The following FAXC variants were observed in gnomAD, a reference collection of about 807,000 sequenced individuals.
The protein encoded by FAXC is failed axon connections homolog.
FAXC carries 10 observed loss-of-function variants against 41.9 expected under a neutral mutation model. The ratio of observed to expected loss-of-function variants is 0.24; its 90% confidence interval spans 0.15 to 0.41. The LOEUF (loss-of-function observed/expected upper bound fraction) is 0.41, where lower values mean the gene tolerates loss of function less well. Ranked by LOEUF, FAXC falls within the 10% of genes least tolerant of loss-of-function variation. FAXC has a pLI of 1.00. For missense variants in FAXC, 399 were observed against 510.9 expected (o/e 0.78, Z 2.11); for synonymous variants, 183 against 183.8 (o/e 1.00, Z 0.03).
At chr6:99,320,847 C>A (rs931326354) in intron 4 of FAXC, among the ~76,000 whole-genome samples, 3 of 152,116 alleles carry the variant, frequency 2.0e-5, no homozygotes, top group South Asian at 2.1e-4. Flanking sequence ...CCTCCCCAGT[C>A]CCCCCTGCTA....
chr6:99,329,384 T>TTAA lies in FAXC; in HGVS notation c.599+3964_599+3966dup, dbSNP rs138664087. Among the ~76,000 whole-genome samples, 266 of 152,260 alleles carry TTAA rather than the reference T, an allele frequency of 1.7e-3. 4 individuals are homozygous for TTAA. In the East Asian group the frequency reaches 0.046, roughly 26 times the overall value. On this transcript the variant is annotated intron_variant, in intron 3 of 5. Coordinates refer to ENST00000389677, the MANE Select transcript of FAXC (RefSeq NM_032511.4). The stretch of plus-strand genomic sequence containing the variant: ...TAATGAAGATATCATGCATTATAAC[T>TTAA]TAATACCTGGCCCGTGATAGAAATG...
rs922884113 is a variant in FAXC, at chr6:99,278,785, G to C, written c.*2379C>G. On this transcript the variant is annotated 3_prime_UTR_variant, in exon 6 of 6. Coordinates refer to ENST00000389677, the MANE Select transcript of FAXC (RefSeq NM_032511.4). ...GATAGCAATGTCCATTCATGCCCCT[G>C]TAAGAGGTACCTGGATGGAATGACT... The C allele has an allele frequency of 6.6e-6, 1 of 152,200 alleles. No individual in the cohort carries two copies. The allele number at this position is 152,200 out of a possible 1,614,324, so 9.4% of individuals were successfully genotyped here.
At position 99,272,716 on chromosome 6, in the gene FAXC, G is replaced by A. The variant is rs943142351; in HGVS notation, c.*8448C>T. 6 of 152,118 alleles carry A rather than the reference G, an allele frequency of 3.9e-5. No homozygotes were observed. Among genetic ancestry groups the A allele is most frequent in the African/African-American group, 1.4e-4 (6 of 41,422 alleles). The allele number at this position is 152,118 out of a possible 1,614,324, so 9.4% of individuals were successfully genotyped here. On this transcript the variant is annotated 3_prime_UTR_variant, in exon 6 of 6. Transcript: ENST00000389677. ...GCCACTCACTTGAAATTCTATCAAA[G>A]TTATATGCCTAAAAAATTCATTACC...
chr6:99,330,289 G>A (rs1167963048), intron 3 of FAXC, among the ~76,000 whole-genome samples: 1 of 152,188 alleles, frequency 6.6e-6, no homozygotes, highest in Non-Finnish European at 1.5e-5. Context: ...TCACACTGAA[G>A]AAGCTGCAGT....
In FAXC at chr6:99,278,504, G is replaced by GT. The variant is rs775720843; in HGVS notation, c.*2659dup. ...CCAAAATGTCCCTTAACTTCTTATA[G>GT]TTTTTTCCTATAATTAGCACCTGTT... On this transcript the variant is annotated 3_prime_UTR_variant, in exon 6 of 6. Transcript: ENST00000389677. 22 of 152,172 alleles carry GT rather than the reference G, an allele frequency of 1.4e-4. No individual in the cohort carries two copies. Among genetic ancestry groups the GT allele is most frequent in the Admixed American group, 5.9e-4 (9 of 15,270 alleles). The allele number at this position is 152,172 out of a possible 1,614,324, so 9.4% of individuals were successfully genotyped here.
intron 1 of FAXC, among the ~76,000 whole-genome samples, chr6:99,347,890 A>C (rs1467285725): frequency 6.6e-6 from 1 of 152,254 alleles, no homozygotes; most frequent in Non-Finnish European, 1.5e-5. Flanking sequence ...ATTCAAGGCA[A>C]TGTGTTGAGA....
At chr6:99,330,520 T>G (rs2128461998) in intron 3 of FAXC, among the ~76,000 whole-genome samples, 1 of 152,340 alleles carries the variant, frequency 6.6e-6, no homozygotes, top group African/African-American at 2.4e-5. Context: ...TGTGTTTATT[T>G]GAATAGACCT....
intron 4 of FAXC, among the ~76,000 whole-genome samples, chr6:99,318,896 C>G (rs1372520175): frequency 6.6e-6 from 1 of 152,222 alleles, no homozygotes; most frequent in Non-Finnish European, 1.5e-5. Flanking sequence ...TGCCTCTAGC[C>G]ACGCTGGTTC....
At chr6:99,335,456 T>A (rs1773181781) in intron 2 of FAXC, among the ~76,000 whole-genome samples, 1 of 152,214 alleles carries the variant, frequency 6.6e-6, no homozygotes, top group African/African-American at 2.4e-5. Context: ...CTTCCTTATT[T>A]GGAAATGCTA....
At chr6:99,297,988 C>A (rs1771565608) in intron 4 of FAXC, among the ~76,000 whole-genome samples, 1 of 152,170 alleles carries the variant, frequency 6.6e-6, no homozygotes, top group South Asian at 2.1e-4. Flanking sequence ...ATTCTTAGAT[C>A]CCATCACTGA....
intron 2 of FAXC, among the ~76,000 whole-genome samples, chr6:99,334,957 A>G (rs1773163759): frequency 6.6e-6 from 1 of 152,058 alleles, no homozygotes; most frequent in South Asian, 2.1e-4. Context: ...CCCTGACTTT[A>G]TGCACTCTTC....
chr6:99,280,454 C>G lies in FAXC; in HGVS notation c.*710G>C, dbSNP rs1281785268. 3 of 152,310 alleles carry G rather than the reference C, an allele frequency of 2.0e-5. No individual in the cohort carries two copies. Among genetic ancestry groups the G allele is most frequent in the African/African-American group, 7.2e-5 (3 of 41,442 alleles). 9.4% of individuals were successfully genotyped at this position (152,310 alleles called of 1,614,324 possible). On this transcript the variant is annotated 3_prime_UTR_variant, in exon 6 of 6. Transcript: ENST00000389677. ...CTTCTAAGAGGTTTAAAGCGCCGTA[C>G]GAATGTTACCACATGAATCCCCACA...
In FAXC at chr6:99,326,551, T is replaced by C. The variant is rs145787801; in HGVS notation, c.600-2884A>G. Among the ~76,000 whole-genome samples the C allele has an allele frequency of 1.8e-3, 267 of 152,272 alleles. 1 individual carries two copies. The highest frequency in any genetic ancestry group is 6.2e-3 in the African/African-American group (258 of 41,556). On this transcript the variant is annotated intron_variant, in intron 3 of 5. Transcript: ENST00000389677. Reference sequence around the variant, plus strand: ...CCCTAAGTGAAGATGTCTAGAAGGCTGAGAACTCAGGAGACAGGTTTAGAC... The same window carrying C: ...CCCTAAGTGAAGATGTCTAGAAGGCCGAGAACTCAGGAGACAGGTTTAGAC...
At chr6:99,347,563 G>A (rs1040341014) in intron 1 of FAXC, among the ~76,000 whole-genome samples, 6 of 152,190 alleles carry the variant, frequency 3.9e-5, no homozygotes, top group Admixed American at 3.9e-4. Context: ...ACACCTGCCA[G>A]GGCAGGGCCT....
chr6:99,281,759 T>A (rs1247421330), intron 5 of FAXC, among the ~76,000 whole-genome samples: 1 of 152,226 alleles, frequency 6.6e-6, no homozygotes. Flanking sequence ...CGCCAGATCC[T>A]GAATGGGCCA....
At chr6:99,298,152 A>G (rs1055830537) in intron 4 of FAXC, among the ~76,000 whole-genome samples, 1 of 152,070 alleles carries the variant, frequency 6.6e-6, no homozygotes, top group African/African-American at 2.4e-5. Context: ...TCTTGTGCAC[A>G]CTGAAGCTTA....
chr6:99,349,478 G>T lies in FAXC; in HGVS notation c.-106C>A, dbSNP rs1335239578. ...TCAGAGGCGCGCGGAGGGCGCGGGCGGCGCGGGCGGCGGCGACTGAGGAGG... is the reference window on the plus strand; with the variant it reads ...TCAGAGGCGCGCGGAGGGCGCGGGCTGCGCGGGCGGCGGCGACTGAGGAGG... On this transcript the variant is annotated 5_prime_UTR_variant, in exon 1 of 6. Transcript: ENST00000389677. The T allele has an allele frequency of 8.1e-6, 7 of 859,864 alleles. No individual in the cohort carries two copies. Among genetic ancestry groups the T allele is most frequent in the African/African-American group, 3.7e-5 (2 of 53,874 alleles). 53.3% of individuals were successfully genotyped at this position (859,864 alleles called of 1,614,324 possible).
intron 4 of FAXC, among the ~76,000 whole-genome samples, chr6:99,318,561 G>C (rs552028830): frequency 2.9e-4 from 44 of 152,246 alleles, no homozygotes; most frequent in Admixed American, 8.5e-4. Flanking sequence ...TCAGAAAAAT[G>C]ATTTTTGTTA....
intron 1 of FAXC, among the ~76,000 whole-genome samples, chr6:99,346,316 C>A (rs1773591546): frequency 6.6e-6 from 1 of 152,184 alleles, no homozygotes; most frequent in African/African-American, 2.4e-5. Flanking sequence ...TGATACAGGT[C>A]TGTCTTCCCT....
Sources: allele counts gnomAD v4.1 joint callset (sites outside exome capture counted in the v4.1 genomes callset), GRCh38; gene constraint gnomAD v4.1.1; transcripts MANE v1.5; gene names NCBI Gene and HGNC (gene_info 2026-07-23, HGNC 2026-07-21).